ARHGEF1: variants seen among roughly 807,000 people sequenced by gnomAD.
ARHGEF1 encodes the protein Rho guanine nucleotide exchange factor 1, also known as 115 kDa guanine nucleotide exchange factor.
In ARHGEF1, 40 loss-of-function variants were observed where a neutral mutation model predicts 119.7. The ratio of observed to expected loss-of-function variants is 0.33; its 90% CI spans 0.26 to 0.44. The LOEUF (loss-of-function observed/expected upper bound fraction) is 0.44. ARHGEF1 is among the 20% of genes least tolerant of loss of function. The pLI is 1.00. For missense variants in ARHGEF1, 976 were observed against 1,268.3 expected (o/e 0.77, Z 3.50); for synonymous variants, 494 against 521.0 (o/e 0.95, Z 0.71).
Position 41,906,671 on chromosome 19 carries a change from G to GC in ARHGEF1, c.2656-26dup, listed in dbSNP as rs781884841. On this transcript the variant is annotated intron_variant, in intron 27 of 28. Coordinates refer to ENST00000354532, the MANE Select transcript of ARHGEF1 (RefSeq NM_004706.4). This position sits in a 1 kb window ranked among gnomAD's most constrained non-coding sequence, Gnocchi z 4.5. ...CCTGAGTGGGCTGGGGAAGGAAGGG[G>GC]CCCCCCTCATCCATGACCCCCACCC... is the stretch of plus-strand genomic sequence containing the variant. 5.6e-6 allele frequency: 9 copies of GC among 1,599,062 alleles called. No individual in the cohort carries two copies. Among genetic ancestry groups the GC allele is most frequent in the Admixed American group, 5.4e-5 (3 of 55,074 alleles).
rs1568825344 is a variant in ARHGEF1 at position 41,905,444 on chromosome 19, G to A, written c.2336+183G>A. On this transcript the variant is annotated intron_variant, in intron 24 of 28. Transcript: ENST00000354532. This position sits in a 1 kb window ranked among gnomAD's most constrained non-coding sequence, Gnocchi z 6.4. Reference sequence around the variant, plus strand: ...GTGCGTGCATATATAGTGTGTGTATGCATGCATGTGTGCGTGTGCATGTGT... The same window carrying A: ...GTGCGTGCATATATAGTGTGTGTATACATGCATGTGTGCGTGTGCATGTGT... 2 of 630,994 alleles carry A rather than the reference G, an allele frequency of 3.2e-6. No homozygotes were observed. The highest frequency in any genetic ancestry group is 5.5e-5 in the East Asian group (2 of 36,526). 39.1% of individuals were successfully genotyped at this position (630,994 alleles called of 1,614,324 possible).
At position 41,907,174 on chromosome 19, in the gene ARHGEF1, A is replaced by C; in HGVS notation, c.*87A>C. 10 of 1,529,310 alleles carry C rather than the reference A, an allele frequency of 6.5e-6. No individual in the cohort carries two copies. The highest frequency in any genetic ancestry group is 8.7e-6 in the Non-Finnish European group (10 of 1,144,160). 94.7% of individuals were successfully genotyped at this position (1,529,310 alleles called of 1,614,324 possible). On this transcript the variant is annotated 3_prime_UTR_variant, in exon 29 of 29. Coordinates refer to ENST00000354532, the MANE Select transcript of ARHGEF1 (RefSeq NM_004706.4). Reference sequence around the variant, plus strand: ...CCACCCCCACCCACACAGCTGCCGCAGCATCTCACACCCCGAGGGCCTGAG... The same window carrying C: ...CCACCCCCACCCACACAGCTGCCGCCGCATCTCACACCCCGAGGGCCTGAG...
rs1555850565 is a variant in ARHGEF1, at chr19:41,907,342, C to A, written c.*255C>A. 3.9e-6 allele frequency: 6 copies of A among 1,534,972 alleles called. No homozygotes were observed. Among genetic ancestry groups the A allele is most frequent in the Non-Finnish European group, 8.7e-7 (1 of 1,146,546 alleles). On this transcript the variant is annotated 3_prime_UTR_variant, in exon 29 of 29. Coordinates refer to ENST00000354532, the MANE Select transcript of ARHGEF1 (RefSeq NM_004706.4). ...AGGGCACCACGGTGACCCGGGCCAT[C>A]TCAGTATTGCCTGTGGGGGCCACCC...
intron 14 of ARHGEF1, among the ~76,000 whole-genome samples, chr19:41,901,441 T>C (rs1398891783): frequency 6.6e-6 from 1 of 152,308 alleles, no homozygotes; most frequent in African/African-American, 2.4e-5. Flanking sequence ...TGAGCCACTG[T>C]GCCCAGCCAT....
rs2074320826 is a variant in ARHGEF1 at position 41,888,013 on chromosome 19, C to G, written c.-19-51C>G. The G allele has an allele frequency of 6.3e-7, 1 of 1,584,298 alleles. No homozygotes were observed. The highest frequency in any genetic ancestry group is 1.4e-5 in the African/African-American group (1 of 73,236). Reference sequence around the variant, plus strand: ...GGCCAGGAATCTGTGAGTAACCACCCTGGGCCGCCTCCTCCCACCCTCCTA... The same window carrying G: ...GGCCAGGAATCTGTGAGTAACCACCGTGGGCCGCCTCCTCCCACCCTCCTA... On this transcript the variant is annotated intron_variant, in intron 1 of 28. Coordinates refer to ENST00000354532, the MANE Select transcript of ARHGEF1 (RefSeq NM_004706.4). This position sits in a 1 kb window ranked among gnomAD's most constrained non-coding sequence, Gnocchi z 5.1.
intron 1 of ARHGEF1, chr19:41,884,324 G>C (rs1161511090): frequency 1.6e-6 from 2 of 1,250,514 alleles, no homozygotes; most frequent in Non-Finnish European, 2.2e-6. Context: ...CGGGGCCGGA[G>C]CCCGGCAGGA....
At chr19:41,928,269 G>A (rs1804421692) in intron 1 of ARHGEF1, 1 of 152,528 alleles carries the variant, frequency 6.6e-6, no homozygotes, top group Admixed American at 6.5e-5. Flanking sequence ...AGGAGACAGA[G>A]ACGGGGAGAC....
At chr19:41,894,046 C>T (rs1182903395) in intron 8 of ARHGEF1, among the ~76,000 whole-genome samples, 161 bp from the exon 9 acceptor site, 20 of 148,662 alleles carry the variant, frequency 1.3e-4, no homozygotes, top group African/African-American at 4.7e-4. Context: ...TCTCATCTCT[C>T]CTCAGAGTCT....
chr19:41,915,564 T>G (rs2074795924), intron 18 of ARHGEF1, among the ~76,000 whole-genome samples: 1 of 152,012 alleles, frequency 6.6e-6, no homozygotes, highest in Admixed American at 6.5e-5. Context: ...TGTCTCCGTC[T>G]CCACATCTCC....
chr19:41,894,123 A>AGTGT (rs782565114), intron 8 of ARHGEF1, 84 bp from the exon 9 acceptor site: 30 of 650,704 alleles, frequency 4.6e-5, no homozygotes, highest in East Asian at 7.9e-5. Flanking sequence ...AGAGAGAGAG[A>AGTGT]GTGTGTGTGT....
At chr19:41,896,953 C>A in intron 13 of ARHGEF1, 1 of 364,422 alleles carries the variant, frequency 2.7e-6, no homozygotes, top group Non-Finnish European at 5.3e-6. Flanking sequence ...TCCTCTCTCA[C>A]CTTCCCCCTC....
At chr19:41,921,064 C>T (rs533941699), upstream of ARHGEF1, among the ~76,000 whole-genome samples, 8 of 152,264 alleles carry the variant, frequency 5.3e-5, no homozygotes, top group African/African-American at 1.7e-4. The surrounding 1 kb of genome is among the most constrained non-coding windows in gnomAD (Gnocchi z 4.4). Flanking sequence ...GGCGAGGGAG[C>T]GTCCCCGGGG....
In ARHGEF1 at chr19:41,904,104, G is replaced by A; in HGVS notation, c.1987G>A (p.Ala663Thr). ...GACGTGGCGGGTGACTAAGGACAAG[G>A]CAGTGGGTGAGTGCCAGAGCAGCTG... Reference protein sequence around the residue: ...PLTWRVTKDKAVEVHVLLLDD... With the variant: ...PLTWRVTKDKTVEVHVLLLDD... Residue 663 changes from alanine (A) to threonine (T), a missense_variant, in exon 21 of 29, where the codon GCA (alanine) becomes ACA (threonine). Coordinates refer to ENST00000354532, the MANE Select transcript of ARHGEF1 (RefSeq NM_004706.4). This position sits in a 1 kb window ranked among gnomAD's most constrained non-coding sequence, Gnocchi z 8.4. 1.9e-6 allele frequency: 3 copies of A among 1,614,196 alleles called. No individual in the cohort carries two copies. Among genetic ancestry groups the A allele is most frequent in the Non-Finnish European group, 2.5e-6 (3 of 1,180,028 alleles).
At chr19:41,909,904 G>T (rs1258338817), downstream of ARHGEF1, 1 of 1,613,468 alleles carries the variant, frequency 6.2e-7, no homozygotes, top group East Asian at 2.2e-5. The surrounding 1 kb of genome is among the most constrained non-coding windows in gnomAD (Gnocchi z 5.2). Context: ...TGTGGGGCTT[G>T]CATTTGCGAA....
At chr19:41,928,787 C>A in intron 1 of ARHGEF1, 1 of 396,118 alleles carries the variant, frequency 2.5e-6, no homozygotes, top group South Asian at 1.8e-5. Context: ...GAGAGACCCC[C>A]CTCCTCTCCC....
intron 1 of ARHGEF1, chr19:41,884,443 G>T (rs960152491): frequency 3.7e-5 from 59 of 1,604,998 alleles, no homozygotes; most frequent in Non-Finnish European, 4.9e-5. Context: ...GCCCGAGCGC[G>T]GAGGCTTCGG....
At position 41,903,467 on chromosome 19, in the gene ARHGEF1, C is replaced by A. The variant is rs2074637995; in HGVS notation, c.1839+60C>A. ...GATGGTGTGAGAGCAGGGGGTGGACCCTACCTCAGCCTGTCCAGAAGTCAC... is the reference window on the plus strand; with the variant it reads ...GATGGTGTGAGAGCAGGGGGTGGACACTACCTCAGCCTGTCCAGAAGTCAC... On this transcript the variant is annotated intron_variant, in intron 19 of 28. Coordinates refer to ENST00000354532, the MANE Select transcript of ARHGEF1 (RefSeq NM_004706.4). This position sits in a 1 kb window ranked among gnomAD's most constrained non-coding sequence, Gnocchi z 4.2. 4 of 1,496,232 alleles carry A rather than the reference C, an allele frequency of 2.7e-6. No individual in the cohort carries two copies. In the East Asian group the frequency reaches 9.2e-5, roughly 34 times the overall value. The allele number at this position is 1,496,232 out of a possible 1,614,324, so 92.7% of individuals were successfully genotyped here. A position where few individuals can be genotyped will look rare whatever the true frequency, so the allele number is the denominator to read the frequency against.
chr19:41,903,652 GCAGGTCAGCCC>G lies in ARHGEF1; in HGVS notation c.1840-51_1840-41del. ...TCTCATCTTACCAATGTGGGTCACT[GCAGGTCAGCCC>G]CAGCACTTAGCTTGTCCCCATAATG... On this transcript the variant is annotated intron_variant, in intron 19 of 28. Coordinates refer to ENST00000354532, the MANE Select transcript of ARHGEF1 (RefSeq NM_004706.4). The surrounding 1 kb of genome is among the most constrained non-coding windows in gnomAD (Gnocchi z 4.2). 1 of 1,579,304 alleles carries G rather than the reference GCAGGTCAGCCC, an allele frequency of 6.3e-7. No homozygotes were observed. Among genetic ancestry groups the G allele is most frequent in the Non-Finnish European group, 8.7e-7 (1 of 1,155,002 alleles).
upstream of ARHGEF1, among the ~76,000 whole-genome samples, chr19:41,919,617 C>T (rs1339574394): frequency 1.3e-5 from 2 of 152,164 alleles, no homozygotes; most frequent in Non-Finnish European, 2.9e-5. Flanking sequence ...AACACAGCGC[C>T]ACACAAACAC....
Sources: allele counts gnomAD v4.1 joint callset (sites outside exome capture counted in the v4.1 genomes callset), GRCh38; gene constraint gnomAD v4.1.1; non-coding constraint Gnocchi (gnomAD v3.1); transcripts MANE v1.5; gene names NCBI Gene and HGNC (gene_info 2026-07-23, HGNC 2026-07-21).